The following TAF15 variants were observed in gnomAD, a reference collection of about 807,000 sequenced individuals.
The protein encoded by TAF15 is TATA-box binding protein associated factor 15.
In TAF15, 37 loss-of-function variants were observed where a neutral mutation model predicts 102.5. That is an observed-to-expected ratio of 0.36 (90% CI 0.28 to 0.47). The LOEUF is 0.47. Among genes scored for constraint, TAF15 ranks in the 20% least tolerant of loss-of-function variants. TAF15 has a pLI of 0.99. For missense variants in TAF15, 652 were observed against 760.7 expected (o/e 0.86, Z 1.68); for synonymous variants, 273 against 259.2 (o/e 1.05, Z -0.51).
In TAF15 at chr17:35,820,316, C is replaced by T. The variant is rs147370557; in HGVS notation, c.185-16C>T. Reference sequence around the variant, plus strand: ...ATCAGAGCCTTCACTAAATGATATACTCATCTAATCTTTAGGTTATTCACA... The same window carrying T: ...ATCAGAGCCTTCACTAAATGATATATTCATCTAATCTTTAGGTTATTCACA... On this transcript the variant is annotated splice_polypyrimidine_tract_variant and intron_variant, in intron 4 of 15. Coordinates refer to ENST00000605844, the MANE Select transcript of TAF15 (RefSeq NM_139215.3). 9.2e-4 allele frequency: 1,478 copies of T among 1,613,196 alleles called. 4 individuals carry two copies. The African/African-American group carries it at 0.015, about 16-fold the overall frequency.
In TAF15 at chr17:35,809,502, G is replaced by T; in HGVS notation, c.-68G>T. Reference sequence around the variant, plus strand: ...CGCCCTCAGTACAGCTCCGGCCGCCGCGCCGCCTGGCTTTCGTATTCGTTG... The same window carrying T: ...CGCCCTCAGTACAGCTCCGGCCGCCTCGCCGCCTGGCTTTCGTATTCGTTG... On this transcript the variant is annotated 5_prime_UTR_variant, in exon 1 of 16. Coordinates refer to ENST00000605844, the MANE Select transcript of TAF15 (RefSeq NM_139215.3). The T allele has an allele frequency of 6.2e-7, 1 of 1,608,844 alleles. No homozygotes were observed. The highest frequency in any genetic ancestry group is 8.5e-7 in the Non-Finnish European group (1 of 1,178,764).
At chr17:35,840,959 G>A (rs1486734535) in intron 11 of TAF15, among the ~76,000 whole-genome samples, 1 of 152,106 alleles carries the variant, frequency 6.6e-6, no homozygotes, top group African/African-American at 2.4e-5. Context: ...CCTTGCTCTT[G>A]AAGGCTAAGT....
intron 1 of TAF15, among the ~76,000 whole-genome samples, chr17:35,815,210 C>T (rs1355046925): frequency 6.6e-6 from 1 of 152,044 alleles, no homozygotes; most frequent in Non-Finnish European, 1.5e-5. Context: ...GGAAAAAACA[C>T]AAAGAGAATC....
At chr17:35,822,894 C>T in intron 6 of TAF15, 61 bp downstream of exon 6, 1 of 1,592,842 alleles carries the variant, frequency 6.3e-7, no homozygotes, top group Non-Finnish European at 8.6e-7. Flanking sequence ...GTATGAATTT[C>T]TGATTAAAAG....
chr17:35,836,074 G>A (rs1324647534), intron 9 of TAF15, 58 bp from the exon 10 acceptor site: 4 of 1,198,790 alleles, frequency 3.3e-6, no homozygotes, highest in Non-Finnish European at 4.9e-6. Context: ...TTTGATTACT[G>A]AACAGAATGT....
chr17:35,809,555 C>T lies in TAF15; in HGVS notation c.-15C>T. On this transcript the variant is annotated 5_prime_UTR_variant, in exon 1 of 16. Coordinates refer to ENST00000605844, the MANE Select transcript of TAF15 (RefSeq NM_139215.3). ...CTCGGCGGGCTGTGGGGCCTCCGCGCCGCGGCCGTTAGTCATGTCGGGTAG... is the reference window on the plus strand; with the variant it reads ...CTCGGCGGGCTGTGGGGCCTCCGCGTCGCGGCCGTTAGTCATGTCGGGTAG... 2 of 1,613,250 alleles carry T rather than the reference C, an allele frequency of 1.2e-6. No individual in the cohort carries two copies. The highest frequency in any genetic ancestry group is 1.7e-6 in the Non-Finnish European group (2 of 1,179,838).
Position 35,822,730 on chromosome 17 carries a change from C to T in TAF15, c.381C>T (p.Gly127=), listed in dbSNP as rs761108005. The T allele has an allele frequency of 6.2e-7, 1 of 1,614,168 alleles. No homozygotes were observed. The highest frequency in any genetic ancestry group is 1.7e-5 in the Admixed American group (1 of 60,026). Residue 127 remains glycine, a synonymous_variant, in exon 6 of 16, where the codon GGC becomes GGT. Coordinates refer to ENST00000605844, the MANE Select transcript of TAF15 (RefSeq NM_139215.3). ...AGTCAGGCTATGATCAACATCAAGG[C>T]TCATATGATGAGCAGTCAAATTATG... The part of the protein sequence containing the change: ...DQQSGYDQHQ[G]SYDEQSNYDQ...
At chr17:35,829,292 T>G (rs189639650) in intron 7 of TAF15, among the ~76,000 whole-genome samples, 135 of 151,706 alleles carry the variant, frequency 8.9e-4, no homozygotes, top group African/African-American at 3.0e-3. Context: ...AGTCCATAAA[T>G]AGATATAGTT....
chr17:35,836,923 G>A (rs1185457131), intron 10 of TAF15, among the ~76,000 whole-genome samples: 7 of 151,850 alleles, frequency 4.6e-5, no homozygotes, highest in Non-Finnish European at 1.0e-4. Context: ...GACTACAGGC[G>A]CTACCACGCC....
chr17:35,825,376 G>A (rs2087312764), intron 7 of TAF15, among the ~76,000 whole-genome samples: 1 of 152,150 alleles, frequency 6.6e-6, no homozygotes, highest in Admixed American at 6.5e-5. Context: ...GCCATCATGT[G>A]GATATAAATG....
intron 1 of TAF15, among the ~76,000 whole-genome samples, chr17:35,814,409 C>T (rs1056644793): frequency 3.3e-5 from 5 of 152,002 alleles, no homozygotes; most frequent in African/African-American, 1.2e-4. Flanking sequence ...ACCTTGTGAT[C>T]TGCCCACCTC....
At chr17:35,825,186 A>G (rs2087310555) in intron 7 of TAF15, among the ~76,000 whole-genome samples, 1 of 152,194 alleles carries the variant, frequency 6.6e-6, no homozygotes, top group Non-Finnish European at 1.5e-5. Flanking sequence ...CCAGGATTTG[A>G]TTTCACTGCC....
chr17:35,826,847 C>T (rs1479427473), intron 7 of TAF15, among the ~76,000 whole-genome samples: 1 of 150,870 alleles, frequency 6.6e-6, no homozygotes, highest in Admixed American at 6.6e-5. Flanking sequence ...TGTGAGCCAC[C>T]ACGCCTGGCT....
chr17:35,844,940 AGGCTATGGAGGAGACAGGAGTGGTGGC>A lies in TAF15; in HGVS notation c.1657_1683del (p.Ser554_Arg562del), dbSNP rs749086274. On this transcript the variant is annotated inframe_deletion, in exon 15 of 16. Coordinates refer to ENST00000605844, the MANE Select transcript of TAF15 (RefSeq NM_139215.3). ...GTGGCTACGGTGGAGACCGAAGTGG[AGGCTATGGAGGAGACAGGAGTGGTGGC>A]GGCTATGGAGGAGACCGAGGTGGGG... The A allele has an allele frequency of 2.3e-5, 37 of 1,611,138 alleles. No individual in the cohort carries two copies. Among genetic ancestry groups the A allele is most frequent in the Admixed American group, 6.7e-5 (4 of 59,796 alleles).
Position 35,820,329 on chromosome 17 carries a change from T to C in TAF15, c.185-3T>C. 1.9e-6 allele frequency: 3 copies of C among 1,613,984 alleles called. No individual in the cohort carries two copies. The highest frequency in any genetic ancestry group is 2.2e-5 in the South Asian group (2 of 91,082). On this transcript the variant is annotated splice_polypyrimidine_tract_variant and splice_region_variant and intron_variant, in intron 4 of 15. Transcript: ENST00000605844. ...CTAAATGATATACTCATCTAATCTT[T>C]AGGTTATTCACAGTCCTATGGTGGT...
intron 1 of TAF15, among the ~76,000 whole-genome samples, chr17:35,814,267 G>T (rs1191094468): frequency 6.6e-6 from 1 of 151,656 alleles, no homozygotes; most frequent in Non-Finnish European, 1.5e-5. Flanking sequence ...CTGGGTTCAC[G>T]CCATTCTCCT....
At chr17:35,812,781 AT>A (rs527327966) in intron 1 of TAF15, among the ~76,000 whole-genome samples, 83 of 152,204 alleles carry the variant, frequency 5.5e-4, no homozygotes, top group Non-Finnish European at 9.9e-4. Context: ...ATCTGAGAGA[AT>A]ATTTTTATGT....
At chr17:35,831,682 G>A (rs1302991240) in intron 7 of TAF15, among the ~76,000 whole-genome samples, 1 of 152,156 alleles carries the variant, frequency 6.6e-6, no homozygotes, top group Non-Finnish European at 1.5e-5. Context: ...CGTGAACCCA[G>A]TGACCTCCAA....
intron 5 of TAF15, among the ~76,000 whole-genome samples, chr17:35,822,325 CAA>C (rs929542420): frequency 1.6e-5 from 2 of 125,662 alleles, no homozygotes; most frequent in Non-Finnish European, 3.3e-5. Context: ...GCCTGGGCAA[CAA>C]GAGTGAACCT....
Sources: gnomAD v4.1 joint callset for allele counts (sites outside exome capture counted in the v4.1 genomes callset) on GRCh38, gnomAD v4.1.1 for gene constraint, MANE v1.5 for transcripts, NCBI Gene and HGNC (gene_info 2026-07-23, HGNC 2026-07-21) for gene names.